The following GALNT6 variants were observed in gnomAD, a reference collection of about 807,000 sequenced individuals.
The protein encoded by GALNT6 is GalNAc transferase 6.
Under a neutral mutation model 65.9 loss-of-function variants are expected in GALNT6, and 51 were observed. That is an observed-to-expected ratio of 0.77 (90% CI 0.62 to 0.98). GALNT6 has a LOEUF of 0.98. Among genes scored for constraint, GALNT6 ranks in the 50% least tolerant of loss-of-function variants. The pLI is 0.00. For synonymous variants in GALNT6, 323 were observed against 315.1 expected, an observed-to-expected ratio of 1.02 and a Z score of -0.26; for missense variants, 708 against 803.3, an observed-to-expected ratio of 0.88 and a Z score of 1.43.
chr12:51,364,082 TG>T, intron 6 of GALNT6, 38 bp downstream of exon 6: 1 of 1,410,032 alleles, frequency 7.1e-7, no homozygotes, highest in Non-Finnish European at 1.0e-6. Flanking sequence ...TGGGTAGGAC[TG>T]GGGCCAGGTT....
At position 51,353,188 on chromosome 12, in the gene GALNT6, C is replaced by T. The variant is rs1372340838; in HGVS notation, c.*1191G>A. The T allele has an allele frequency of 1.3e-5, 2 of 152,116 alleles. No homozygotes were observed. Among genetic ancestry groups the T allele is most frequent in the Admixed American group, 6.6e-5 (1 of 15,256 alleles). 9.4% of individuals were successfully genotyped at this position (152,116 alleles called of 1,614,324 possible). A position where few individuals can be genotyped will look rare whatever the true frequency, so the allele number is the denominator to read the frequency against. ...GCCCCTTTACCTGTGTCTCAGTTTT[C>T]GTATCTGTAAAATAGGCACAGTGGT... is the stretch of plus-strand genomic sequence containing the variant. On this transcript the variant is annotated 3_prime_UTR_variant, in exon 12 of 12. Coordinates refer to ENST00000356317, the MANE Select transcript of GALNT6 (RefSeq NM_007210.4).
intron 2 of GALNT6, among the ~76,000 whole-genome samples, chr12:51,388,435 CTA>C (rs1176905693): frequency 6.6e-6 from 1 of 152,224 alleles, no homozygotes; most frequent in African/African-American, 2.4e-5. Context: ...CACTCACTGG[CTA>C]TCTTTTCTTC....
At chr12:51,371,295 G>A (rs1947288161) in intron 4 of GALNT6, among the ~76,000 whole-genome samples, 1 of 151,960 alleles carries the variant, frequency 6.6e-6, no homozygotes, top group Non-Finnish European at 1.5e-5. Flanking sequence ...TGTTGGCCAG[G>A]CTGGTCCCAA....
chr12:51,363,032 G>A (rs753261904), intron 6 of GALNT6, among the ~76,000 whole-genome samples: 7 of 152,074 alleles, frequency 4.6e-5, no homozygotes, highest in Non-Finnish European at 1.0e-4. Context: ...TTCTGGGCAC[G>A]TGGAGAGGAA....
chr12:51,369,206 G>C (rs895775008), intron 4 of GALNT6, among the ~76,000 whole-genome samples: 46 of 152,310 alleles, frequency 3.0e-4, no homozygotes, highest in East Asian at 3.9e-4. Flanking sequence ...AACCTCAGGG[G>C]GGGCCCCGAG....
At chr12:51,373,491 T>C (rs544963360) in intron 4 of GALNT6, among the ~76,000 whole-genome samples, 1 of 152,324 alleles carries the variant, frequency 6.6e-6, no homozygotes, top group East Asian at 1.9e-4. Flanking sequence ...GCCATGATTA[T>C]AGGTTTCCTG....
At position 51,387,486 on chromosome 12, in the gene GALNT6, C is replaced by G. The variant is rs1298110210; in HGVS notation, c.-104+3364G>C. 6.6e-6 allele frequency among the ~76,000 whole-genome samples: 1 copy of G among 152,158 alleles called. No individual in the cohort carries two copies. Among genetic ancestry groups the G allele is most frequent in the African/African-American group, 2.4e-5 (1 of 41,426 alleles). ...CCCAACTTTGCTCACCACTGTATAC[C>G]TAGAGCAGCGCTTGGCATGTGGTAG... is the stretch of plus-strand genomic sequence containing the variant. On this transcript the variant is annotated intron_variant, in intron 2 of 11. Transcript: ENST00000356317. This position sits in a 1 kb window ranked among gnomAD's most constrained non-coding sequence, Gnocchi z 4.2.
chr12:51,371,564 TC>T (rs1042958416), intron 4 of GALNT6, among the ~76,000 whole-genome samples: 4 of 152,158 alleles, frequency 2.6e-5, no homozygotes, highest in African/African-American at 9.7e-5. Context: ...CCCTAATTAC[TC>T]ACTCACTAAC....
intron 2 of GALNT6, among the ~76,000 whole-genome samples, chr12:51,386,830 C>T (rs886312109): frequency 6.6e-6 from 1 of 152,156 alleles, no homozygotes; most frequent in African/African-American, 2.4e-5. Flanking sequence ...TCAAACACAG[C>T]ACTCATCTCA....
rs578104756 is a variant in GALNT6 at position 51,352,094 on chromosome 12, T to C, written c.*2285A>G. 5.3e-5 allele frequency: 8 copies of C among 152,310 alleles called. 1 individual carries two copies. The highest frequency in any genetic ancestry group is 3.3e-4 in the Admixed American group (5 of 15,294). The allele number at this position is 152,310 out of a possible 1,614,324, so 9.4% of individuals were successfully genotyped here. ...GGGAACAAAGACAGCTGTGGTCCCA[T>C]AGCACCCTCATCTGGTGACATCCTG... On this transcript the variant is annotated 3_prime_UTR_variant, in exon 12 of 12. Transcript: ENST00000356317.
rs796243349 is a variant in GALNT6 at position 51,390,156 on chromosome 12, CTTTTTTTTTT to C, written c.-104+684_-104+693del. Among the ~76,000 whole-genome samples the C allele has an allele frequency of 5.2e-5, 6 of 116,308 alleles. No homozygotes were observed. The South Asian group carries it at 1.3e-3, about 26-fold the overall frequency. 76.3% of individuals were successfully genotyped at this position (116,308 alleles called of 152,430 possible). The stretch of plus-strand genomic sequence containing the variant: ...AGCATATTTCTTTCTTTCTTTCTTT[CTTTTTTTTTT>C]TTTTTTTTTTTTTGAGACAGAGTTT... On this transcript the variant is annotated intron_variant, in intron 2 of 11. Coordinates refer to ENST00000356317, the MANE Select transcript of GALNT6 (RefSeq NM_007210.4).
intron 2 of GALNT6, among the ~76,000 whole-genome samples, chr12:51,390,555 T>C (rs1159846786): frequency 6.6e-6 from 1 of 152,202 alleles, no homozygotes; most frequent in Non-Finnish European, 1.5e-5. Context: ...TTTCCTTTGA[T>C]GGGAAGGGAG....
intron 3 of GALNT6, among the ~76,000 whole-genome samples, chr12:51,377,596 C>T (rs923692302): frequency 6.6e-6 from 1 of 152,170 alleles, no homozygotes; most frequent in Non-Finnish European, 1.5e-5. Context: ...AAATCCATCC[C>T]CACAGAGCTG....
At chr12:51,390,160 T>TTTCTG (rs1565741187) in intron 2 of GALNT6, among the ~76,000 whole-genome samples, 2 of 8,898 alleles carry the variant, frequency 2.2e-4, no homozygotes, top group South Asian at 5.2e-3. Context: ...TTCTTTCTTT[T>TTTCTG]TTTTTTTTTT....
At chr12:51,381,716 A>AATAAC (rs1947677962) in intron 2 of GALNT6, among the ~76,000 whole-genome samples, 1 of 152,204 alleles carries the variant, frequency 6.6e-6, no homozygotes, top group African/African-American at 2.4e-5. Flanking sequence ...CTAATACCTA[A>AATAAC]CTCACAGGGT....
chr12:51,376,088 C>G (rs1278369686), intron 4 of GALNT6, among the ~76,000 whole-genome samples: 1 of 151,982 alleles, frequency 6.6e-6, no homozygotes, highest in Non-Finnish European at 1.5e-5. Flanking sequence ...TGGTCTCAAA[C>G]TCCTGACCTC....
rs1361904536 is a variant in GALNT6 at position 51,356,020 on chromosome 12, C to A, written c.1603-62G>T. Reference sequence around the variant, plus strand: ...ACCCCCAGCCTTCCAAAGCCACCTGCCCTGAGCTGTCTACCATGCATGGTC... The same window carrying A: ...ACCCCCAGCCTTCCAAAGCCACCTGACCTGAGCTGTCTACCATGCATGGTC... On this transcript the variant is annotated intron_variant, in intron 10 of 11. Transcript: ENST00000356317. 3 of 1,517,222 alleles carry A rather than the reference C, an allele frequency of 2.0e-6. No homozygotes were observed. In the Admixed American group the frequency reaches 5.1e-5, roughly 26 times the overall value. The allele number at this position is 1,517,222 out of a possible 1,614,324, so 94.0% of individuals were successfully genotyped here. A position where few individuals can be genotyped will look rare whatever the true frequency, so the allele number is the denominator to read the frequency against.
Position 51,359,300 on chromosome 12 carries a change from G to A in GALNT6, c.1200C>T (p.Ile400=), listed in dbSNP as rs1946847173. The part of the protein sequence containing the change: ...VWQCGGQLEI[I]PCSVVGHVFR... ...ACACATGGCCTACGACAGAGCAGGG[G>A]ATGATCTCCAGCTGGCCCCCACACT... is the stretch of plus-strand genomic sequence containing the variant. Residue 400 remains isoleucine, a synonymous_variant, in exon 8 of 12, where the codon ATC becomes ATT. Transcript: ENST00000356317. 2 of 1,613,070 alleles carry A rather than the reference G, an allele frequency of 1.2e-6. No homozygotes were observed. Among genetic ancestry groups the A allele is most frequent in the African/African-American group, 2.7e-5 (2 of 74,906 alleles).
At position 51,379,626 on chromosome 12, in the gene GALNT6, G is replaced by A. The variant is rs761845308; in HGVS notation, c.156C>T (p.His52=). Residue 52 remains histidine (H), a synonymous_variant, in exon 3 of 12, where the codon CAC becomes CAT. Transcript: ENST00000356317. ...WLKSLVSRKD[H]VLDLMLEAMN... The stretch of plus-strand genomic sequence containing the variant: ...TGGCCTCCAGCATGAGGTCCAGGAC[G>A]TGATCCTTCCGGCTCACCAGGGACT... The A allele has an allele frequency of 3.7e-6, 6 of 1,614,138 alleles. No homozygotes were observed. Among genetic ancestry groups the A allele is most frequent in the East Asian group, 2.2e-5 (1 of 44,880 alleles).
Sources: allele counts gnomAD v4.1 joint callset (sites outside exome capture counted in the v4.1 genomes callset), GRCh38; gene constraint gnomAD v4.1.1; non-coding constraint Gnocchi (gnomAD v3.1); transcripts MANE v1.5; gene names NCBI Gene and HGNC (gene_info 2026-07-23, HGNC 2026-07-21).